LRRC4C: variants seen among roughly 807,000 people sequenced by gnomAD.
LRRC4C encodes the protein leucine-rich repeat-containing protein 4C.
LRRC4C carries 5 observed loss-of-function variants against 33.6 expected under a neutral mutation model. The observed-to-expected ratio is 0.15, with a 90% confidence interval of 0.08 to 0.31. The LOEUF is 0.31. LRRC4C is among the 10% of genes least tolerant of loss of function. The pLI is 1.00. For synonymous variants in LRRC4C, 329 were observed against 302.0 expected, an observed-to-expected ratio of 1.09 and a Z score of -0.93; for missense variants, 560 against 796.7, an observed-to-expected ratio of 0.70 and a Z score of 3.58.
At position 40,753,840 on chromosome 11, in the gene LRRC4C, A is replaced by T. The variant is rs192548973; in HGVS notation, c.-406-105562T>A. On this transcript the variant is annotated intron_variant, in intron 2 of 6. Coordinates refer to ENST00000528697, the MANE Select transcript of LRRC4C (RefSeq NM_001258419.2). ...CCAGCAGGTATATGAAAAAATTCTTATCATTAATCATTAGAGAAATGCAAA... is the reference window on the plus strand; with the variant it reads ...CCAGCAGGTATATGAAAAAATTCTTTTCATTAATCATTAGAGAAATGCAAA... 8.7e-4 allele frequency among the ~76,000 whole-genome samples: 132 copies of T among 152,154 alleles called. No homozygotes were observed. In the Middle Eastern group the frequency reaches 0.01, roughly 12 times the overall value.
At chr11:40,979,721 G>A (rs376053355) in intron 1 of LRRC4C, among the ~76,000 whole-genome samples, 2 of 152,068 alleles carry the variant, frequency 1.3e-5, no homozygotes, top group African/African-American at 2.4e-5. Flanking sequence ...TTTCTATCTT[G>A]GAATCAGAGT....
chr11:40,490,436 C>T (rs1158955111), intron 3 of LRRC4C, among the ~76,000 whole-genome samples: 3 of 152,100 alleles, frequency 2.0e-5, no homozygotes, highest in Admixed American at 6.6e-5. Flanking sequence ...CCTTGTAGTG[C>T]ATGTATGCCT....
At chr11:41,418,800 G>A (rs1027376666) in intron 1 of LRRC4C, among the ~76,000 whole-genome samples, 6 of 152,044 alleles carry the variant, frequency 3.9e-5, no homozygotes, top group Admixed American at 6.6e-5. Flanking sequence ...TGATTGGGTC[G>A]TTGGAAAAAC....
rs1169965065 is a variant in LRRC4C at position 41,303,190 on chromosome 11, C to T, written c.-496+156241G>A. Among the ~76,000 whole-genome samples the T allele has an allele frequency of 6.7e-5, 10 of 149,468 alleles. No homozygotes were observed. In the East Asian group the frequency reaches 2.0e-3, roughly 30 times the overall value. ...CTGCTGCCATCTCGGCTCACTGCAA[C>T]CTCCCTGCCTGATTCTCCTGCCTCA... On this transcript the variant is annotated intron_variant, in intron 1 of 6. Coordinates refer to ENST00000528697, the MANE Select transcript of LRRC4C (RefSeq NM_001258419.2).
chr11:40,992,179 C>T (rs1369761116), intron 1 of LRRC4C, among the ~76,000 whole-genome samples: 1 of 152,090 alleles, frequency 6.6e-6, no homozygotes, highest in African/African-American at 2.4e-5. Flanking sequence ...TTCAGCATCT[C>T]AGATAAAAAA....
At chr11:41,437,423 G>GCA (rs1173350573) in intron 1 of LRRC4C, among the ~76,000 whole-genome samples, 97 of 149,680 alleles carry the variant, frequency 6.5e-4, no homozygotes, top group African/African-American at 1.7e-3. Flanking sequence ...GCGCGCGCGC[G>GCA]CGCACACACA....
At chr11:40,447,789 A>G (rs962289976) in intron 3 of LRRC4C, among the ~76,000 whole-genome samples, 5 of 152,096 alleles carry the variant, frequency 3.3e-5, no homozygotes, top group South Asian at 2.1e-4. Context: ...AAAGATCCAC[A>G]CCAGCAGCAG....
intron 1 of LRRC4C, among the ~76,000 whole-genome samples, chr11:40,953,191 A>G (rs774887412): frequency 2.6e-5 from 4 of 151,976 alleles, no homozygotes; most frequent in Non-Finnish European, 5.9e-5. Context: ...GAGGGACCCT[A>G]TTTAGAAAAT....
chr11:40,447,164 T>A (rs1429071559), intron 3 of LRRC4C: 1 of 164,656 alleles, frequency 6.1e-6, no homozygotes, highest in Non-Finnish European at 1.4e-5. Context: ...AATGGCACAT[T>A]TCCCCTCAAC....
intron 2 of LRRC4C, among the ~76,000 whole-genome samples, chr11:40,781,399 A>G (rs750028283): frequency 8.5e-5 from 13 of 152,172 alleles, no homozygotes; most frequent in Non-Finnish European, 1.9e-4. Context: ...TCAATTTCTT[A>G]TTATGAGTTC....
intron 2 of LRRC4C, among the ~76,000 whole-genome samples, chr11:40,676,909 A>T (rs1348416425): frequency 1.3e-5 from 2 of 152,138 alleles, no homozygotes. Context: ...TTCCCAATTT[A>T]CCTCTCAAAT....
intron 1 of LRRC4C, among the ~76,000 whole-genome samples, chr11:41,295,278 A>T (rs1950105476): frequency 6.6e-6 from 1 of 152,224 alleles, no homozygotes; most frequent in Admixed American, 6.5e-5. Flanking sequence ...GGAAAAAATA[A>T]ATGGACCATC....
intron 2 of LRRC4C, among the ~76,000 whole-genome samples, chr11:40,912,748 T>A (rs367859837): frequency 6.6e-6 from 1 of 151,944 alleles, no homozygotes; most frequent in Non-Finnish European, 1.5e-5. Context: ...AGACACAGAC[T>A]GGCAAATTGG....
At chr11:41,024,118 G>A (rs935603190) in intron 1 of LRRC4C, among the ~76,000 whole-genome samples, 3 of 151,300 alleles carry the variant, frequency 2.0e-5, no homozygotes, top group Admixed American at 6.6e-5. Flanking sequence ...AAAGCCAAAC[G>A]GCATCCAAGT....
intron 3 of LRRC4C, among the ~76,000 whole-genome samples, chr11:40,641,426 G>C (rs891978631): frequency 5.9e-5 from 9 of 151,954 alleles, no homozygotes; most frequent in African/African-American, 2.2e-4. Flanking sequence ...TTATTTTATA[G>C]CTCTAGGCAC....
intron 1 of LRRC4C, among the ~76,000 whole-genome samples, chr11:41,158,961 T>C (rs952726238): frequency 6.6e-6 from 1 of 152,034 alleles, no homozygotes; most frequent in African/African-American, 2.4e-5. Flanking sequence ...AAAGGAAATA[T>C]TGGAAATGAA....
At chr11:40,469,036 T>C (rs1013538668) in intron 3 of LRRC4C, among the ~76,000 whole-genome samples, 23 of 152,182 alleles carry the variant, frequency 1.5e-4, no homozygotes, top group African/African-American at 4.3e-4. Flanking sequence ...AGCAGTGACA[T>C]GTAGTAAAAT....
intron 3 of LRRC4C, among the ~76,000 whole-genome samples, chr11:40,480,298 T>C (rs1377344818): frequency 6.6e-6 from 1 of 151,756 alleles, no homozygotes; most frequent in Non-Finnish European, 1.5e-5. Flanking sequence ...TGCTTTTTTT[T>C]TAATCTACTT....
At chr11:40,779,064 G>A (rs1406230860) in intron 2 of LRRC4C, among the ~76,000 whole-genome samples, 1 of 152,158 alleles carries the variant, frequency 6.6e-6, no homozygotes, top group Non-Finnish European at 1.5e-5. Context: ...CGAGTTAAGT[G>A]ATTAGTGTAG....
Sources: gnomAD v4.1 joint callset for allele counts (sites outside exome capture counted in the v4.1 genomes callset) on GRCh38, gnomAD v4.1.1 for gene constraint, MANE v1.5 for transcripts, NCBI Gene and HGNC (gene_info 2026-07-23, HGNC 2026-07-21) for gene names.